The following FAM185A variants were observed in gnomAD, a reference collection of about 807,000 sequenced individuals.
FAM185A encodes protein FAM185A.
FAM185A carries 21 observed loss-of-function variants against 45.7 expected under a neutral mutation model. The observed-to-expected ratio is 0.46, with a 90% CI of 0.33 to 0.66. The LOEUF is 0.66. FAM185A is among the 30% of genes least tolerant of loss of function. The pLI is 0.03. For missense variants in FAM185A, 305 were observed against 485.4 expected, an observed-to-expected ratio of 0.63 and a Z score of 3.49; for synonymous variants, 117 against 194.0, an observed-to-expected ratio of 0.60 and a Z score of 3.30.
chr7:102,778,752 C>CA (rs1164087698), intron 6 of FAM185A, among the ~76,000 whole-genome samples: 1 of 152,110 alleles, frequency 6.6e-6, no homozygotes, highest in African/African-American at 2.4e-5. Flanking sequence ...CAACTGAAAA[C>CA]AAAGATTTCT....
intron 6 of FAM185A, among the ~76,000 whole-genome samples, chr7:102,786,255 T>C (rs1227903560): frequency 2.6e-5 from 4 of 152,196 alleles, no homozygotes; most frequent in Non-Finnish European, 5.9e-5. Context: ...AATTCAACCA[T>C]TGTGGAAGTC....
At chr7:102,826,510 T>C in the FAM185A span, among the ~76,000 whole-genome samples, 15 of 151,238 alleles carry the variant, frequency 9.9e-5, no homozygotes, top group African/African-American at 3.2e-4. Context: ...CTGAGGCAGG[T>C]GGATCACTTG....
At chr7:102,840,372 C>CA in the FAM185A span, among the ~76,000 whole-genome samples, 1 of 152,196 alleles carries the variant, frequency 6.6e-6, no homozygotes, top group African/African-American at 2.4e-5. Flanking sequence ...TTACATTTCT[C>CA]TAAGTTTATT....
At chr7:102,766,502 G>A (rs1794404363) in intron 4 of FAM185A, among the ~76,000 whole-genome samples, 1 of 152,160 alleles carries the variant, frequency 6.6e-6, no homozygotes, top group South Asian at 2.1e-4. Flanking sequence ...AACTTTGATA[G>A]CACTCAAAAT....
At chr7:102,835,883 A>C in the FAM185A span, among the ~76,000 whole-genome samples, 23 of 152,116 alleles carry the variant, frequency 1.5e-4, no homozygotes, top group African/African-American at 5.6e-4. Flanking sequence ...TGCTGGGATT[A>C]CAGGCGTGAG....
At chr7:102,823,169 A>T in the FAM185A span, among the ~76,000 whole-genome samples, 2 of 152,130 alleles carry the variant, frequency 1.3e-5, no homozygotes, top group Non-Finnish European at 2.9e-5. Flanking sequence ...TTTTAGTAAT[A>T]CCTGTCACAC....
At position 102,808,490 on chromosome 7, in the gene FAM185A, T is replaced by A; in HGVS notation, c.*88T>A. 1.2e-6 allele frequency: 1 copy of A among 855,938 alleles called. No homozygotes were observed. The highest frequency in any genetic ancestry group is 1.9e-6 in the Non-Finnish European group (1 of 531,354). The allele number at this position is 855,938 out of a possible 1,614,324, so 53.0% of individuals were successfully genotyped here. A position where few individuals can be genotyped will look rare whatever the true frequency, so the allele number is the denominator to read the frequency against. Reference sequence around the variant, plus strand: ...GTAAATCCCACCATTCATATAAAGGTTGAAAACAACAAATTGAGAATGAAT... The same window carrying A: ...GTAAATCCCACCATTCATATAAAGGATGAAAACAACAAATTGAGAATGAAT... On this transcript the variant is annotated 3_prime_UTR_variant, in exon 8 of 8. Coordinates refer to ENST00000413034, the MANE Select transcript of FAM185A (RefSeq NM_001145268.2).
At chr7:102,755,008 C>T (rs79055606) in intron 2 of FAM185A, 20,525 of 321,428 alleles carry the variant, frequency 0.064, 435 homozygotes, top group East Asian at 0.17. Flanking sequence ...CCTTAGACCT[C>T]TTAGAAAATC....
At chr7:102,773,907 G>C (rs1794904385) in intron 5 of FAM185A, among the ~76,000 whole-genome samples, 1 of 152,044 alleles carries the variant, frequency 6.6e-6, no homozygotes, top group Admixed American at 6.6e-5. Flanking sequence ...CATGATTACT[G>C]TATCTTTGGT....
chr7:102,834,750 G>A, the FAM185A span: 2 of 151,994 alleles, frequency 1.3e-5, no homozygotes, highest in Non-Finnish European at 2.9e-5. Context: ...TGTATATGAT[G>A]ACTATAGTTA....
the FAM185A span, among the ~76,000 whole-genome samples, chr7:102,842,954 A>G: frequency 6.6e-6 from 1 of 152,230 alleles, no homozygotes; most frequent in Non-Finnish European, 1.5e-5. Context: ...CCAACTATGA[A>G]GTAGCTTATG....
chr7:102,767,050 C>T (rs1288755287), intron 4 of FAM185A, among the ~76,000 whole-genome samples: 1 of 152,088 alleles, frequency 6.6e-6, no homozygotes, highest in African/African-American at 2.4e-5. Flanking sequence ...CACGCCTCGG[C>T]CTCCCAAAGT....
chr7:102,772,612 G>A (rs921977963), intron 5 of FAM185A, among the ~76,000 whole-genome samples, 162 bp downstream of exon 5: 10 of 151,168 alleles, frequency 6.6e-5, no homozygotes, highest in Admixed American at 2.0e-4. Context: ...ATGTCCACTC[G>A]AAGAAAATCG....
intron 7 of FAM185A, among the ~76,000 whole-genome samples, chr7:102,805,786 A>G (rs1797078182): frequency 6.6e-6 from 1 of 152,230 alleles, no homozygotes; most frequent in African/African-American, 2.4e-5. Context: ...GTCTGACCTA[A>G]AAAGTCAAGA....
chr7:102,828,061 T>C, the FAM185A span, among the ~76,000 whole-genome samples: 2 of 152,230 alleles, frequency 1.3e-5, no homozygotes, highest in Non-Finnish European at 1.5e-5. Context: ...GACTTGGCAA[T>C]GCGGGCTCTT....
chr7:102,847,099 G>T, the FAM185A span, among the ~76,000 whole-genome samples: 3 of 151,994 alleles, frequency 2.0e-5, no homozygotes, highest in South Asian at 6.2e-4. Flanking sequence ...TTTACATATT[G>T]TCTATGGCTG....
rs575497087 is a variant in FAM185A, at chr7:102,766,722, T to C, written c.793+5311T>C. Among the ~76,000 whole-genome samples the C allele has an allele frequency of 3.3e-5, 5 of 152,288 alleles. No homozygotes were observed. In the South Asian group the frequency reaches 1.0e-3, roughly 32 times the overall value. ...CCTAGCCTAGGTCATTATGAAGTTTTAATTTGATTATCATTTTGATGCTTA... is the reference window on the plus strand; with the variant it reads ...CCTAGCCTAGGTCATTATGAAGTTTCAATTTGATTATCATTTTGATGCTTA... On this transcript the variant is annotated intron_variant, in intron 4 of 7. Coordinates refer to ENST00000413034, the MANE Select transcript of FAM185A (RefSeq NM_001145268.2).
the FAM185A span, among the ~76,000 whole-genome samples, chr7:102,841,543 C>T: frequency 6.6e-6 from 1 of 152,226 alleles, no homozygotes; most frequent in Non-Finnish European, 1.5e-5. Flanking sequence ...CAAGAAAACA[C>T]AGTACCCATG....
chr7:102,847,900 T>C, the FAM185A span, among the ~76,000 whole-genome samples: 1 of 152,144 alleles, frequency 6.6e-6, no homozygotes, highest in African/African-American at 2.4e-5. Context: ...AAATGTATAA[T>C]CACATAGCAT....
Sources: allele counts gnomAD v4.1 joint callset (sites outside exome capture counted in the v4.1 genomes callset), GRCh38; gene constraint gnomAD v4.1.1; transcripts MANE v1.5; gene names NCBI Gene and HGNC (gene_info 2026-07-23, HGNC 2026-07-21).